SLC30A8: variants seen among roughly 807,000 people sequenced by gnomAD.
SLC30A8 encodes solute carrier family 30 member 8, also known as proton-coupled zinc antiporter SLC30A8.
Under a neutral mutation model 36.9 loss-of-function variants are expected in SLC30A8, and 27 were observed. That is an observed-to-expected ratio of 0.73 (90% confidence interval 0.54 to 1.01). SLC30A8 has a LOEUF of 1.01. Ranked by LOEUF, SLC30A8 falls within the 50% of genes least tolerant of loss-of-function variation. The probability of loss-of-function intolerance (pLI) is 0.00; values close to 1 mark genes in which losing one functional copy is unlikely to be tolerated. For synonymous variants in SLC30A8, 164 were observed against 172.4 expected (o/e 0.95, Z 0.38); for missense variants, 439 against 452.0 (o/e 0.97, Z 0.26).
intron 1 of SLC30A8, among the ~76,000 whole-genome samples, chr8:116,953,232 C>T (rs1814059174): frequency 6.6e-6 from 1 of 152,146 alleles, no homozygotes; most frequent in Admixed American, 6.5e-5. Flanking sequence ...CATAGTATTC[C>T]ATGGTGAATA....
intron 1 of SLC30A8, among the ~76,000 whole-genome samples, chr8:117,024,860 T>C (rs145110772): frequency 8.3e-4 from 126 of 152,318 alleles, no homozygotes; most frequent in African/African-American, 2.8e-3. Flanking sequence ...TTCAGGTTTG[T>C]TACATAAGTA....
intron 1 of SLC30A8, among the ~76,000 whole-genome samples, chr8:116,994,405 T>C (rs1425513580): frequency 6.6e-6 from 1 of 152,076 alleles, no homozygotes; most frequent in Non-Finnish European, 1.5e-5. Flanking sequence ...GTTCAGGCAG[T>C]GTCAAATGGA....
chr8:117,059,804 G>A (rs186758331), intron 2 of SLC30A8, among the ~76,000 whole-genome samples: 3 of 152,314 alleles, frequency 2.0e-5, no homozygotes, highest in African/African-American at 4.8e-5. Context: ...GGGTGGACAC[G>A]AAGATTGGGG....
intron 2 of SLC30A8, among the ~76,000 whole-genome samples, chr8:117,054,522 A>C (rs944824845): frequency 6.6e-6 from 1 of 152,172 alleles, no homozygotes; most frequent in African/African-American, 2.4e-5. Flanking sequence ...TGTCACCATC[A>C]ATGTGCAAAC....
chr8:117,150,600 A>G (rs1244333109), intron 2 of SLC30A8, among the ~76,000 whole-genome samples: 1 of 151,982 alleles, frequency 6.6e-6, no homozygotes, highest in Non-Finnish European at 1.5e-5. Context: ...CACTATCGAG[A>G]CTTTAAAAGA....
At position 117,174,371 on chromosome 8, in the gene SLC30A8, C is replaced by T. The variant is rs1217559828; in HGVS notation, c.*1690C>T. ...TGAGGAGGTCACATCTGTGCCATCT[C>T]TGCAAATCAATCAGCACCACTGAAA... is the stretch of plus-strand genomic sequence containing the variant. On this transcript the variant is annotated 3_prime_UTR_variant, in exon 8 of 8. Transcript: ENST00000456015. The T allele has an allele frequency of 6.6e-6, 1 of 152,534 alleles. No homozygotes were observed. The highest frequency in any genetic ancestry group is 1.5e-5 in the Non-Finnish European group (1 of 68,024). The allele number at this position is 152,534 out of a possible 1,614,324, so 9.4% of individuals were successfully genotyped here.
At chr8:117,083,697 T>C (rs1818754142) in intron 2 of SLC30A8, among the ~76,000 whole-genome samples, 2 of 152,164 alleles carry the variant, frequency 1.3e-5, no homozygotes, top group Non-Finnish European at 2.9e-5. Context: ...ATCATGTAGC[T>C]ATGAGATGGC....
In SLC30A8 at chr8:116,978,399, A is replaced by T. The variant is rs181504160; in HGVS notation, c.-266+27280A>T. ...ATTGAATAGAAATGAAGAAACACAT[A>T]AAACCACTGGCTATGATGCTCTAAC... On this transcript the variant is annotated intron_variant, in intron 1 of 10. Transcript: ENST00000427715. Among the ~76,000 whole-genome samples, 50 of 152,306 alleles carry T rather than the reference A, an allele frequency of 3.3e-4. 1 individual carries two copies. The highest frequency in any genetic ancestry group is 9.6e-4 in the African/African-American group (40 of 41,548).
At chr8:117,154,497 C>A (rs553044063) in intron 3 of SLC30A8, among the ~76,000 whole-genome samples, 1 of 152,164 alleles carries the variant, frequency 6.6e-6, no homozygotes, top group East Asian at 1.9e-4. Flanking sequence ...CTGTGGACTG[C>A]GGCTTTTCAA....
At chr8:117,160,244 TAA>T (rs1461390146) in intron 4 of SLC30A8, among the ~76,000 whole-genome samples, 1 of 152,278 alleles carries the variant, frequency 6.6e-6, no homozygotes, top group Non-Finnish European at 1.5e-5. Context: ...TATTGCCTGC[TAA>T]GTTTTCACTG....
intron 2 of SLC30A8, among the ~76,000 whole-genome samples, chr8:117,068,979 C>T (rs989315710): frequency 1.3e-5 from 2 of 152,130 alleles, no homozygotes; most frequent in Non-Finnish European, 2.9e-5. Flanking sequence ...CTCCAAGATT[C>T]ACCCAAAATT....
Position 117,016,422 on chromosome 8 carries a change from G to A in SLC30A8, c.-265-22797G>A, listed in dbSNP as rs73312283. ...GCAGAAAGAGGAAAATCAAGTTAACGAAACTGAGCAGGAAAAGACAGGGGC... is the reference window on the plus strand; with the variant it reads ...GCAGAAAGAGGAAAATCAAGTTAACAAAACTGAGCAGGAAAAGACAGGGGC... On this transcript the variant is annotated intron_variant, in intron 1 of 10. Coordinates refer to the SLC30A8 transcript ENST00000427715. Among the ~76,000 whole-genome samples, 528 of 152,254 alleles carry A rather than the reference G, an allele frequency of 3.5e-3. 8 individuals carry two copies. Among genetic ancestry groups the A allele is most frequent in the African/African-American group, 0.012 (507 of 41,550 alleles).
chr8:117,041,766 G>A (rs1377954845), intron 2 of SLC30A8, among the ~76,000 whole-genome samples: 1 of 152,180 alleles, frequency 6.6e-6, no homozygotes, highest in Non-Finnish European at 1.5e-5. Context: ...CAAAGGACTT[G>A]ACACATTGAT....
At chr8:117,167,834 A>C (rs1268282783) in intron 6 of SLC30A8, among the ~76,000 whole-genome samples, 1 of 152,122 alleles carries the variant, frequency 6.6e-6, no homozygotes, top group Middle Eastern at 3.2e-3. Flanking sequence ...TACATGCTTT[A>C]TTAGTATGTT....
rs531833878 is a variant in SLC30A8, at chr8:116,988,731, C to T, written c.-266+37612C>T. On this transcript the variant is annotated intron_variant, in intron 1 of 10. Coordinates refer to the SLC30A8 transcript ENST00000427715. The stretch of plus-strand genomic sequence containing the variant: ...CATATTCTTGTTATTTTACTATAAT[C>T]GCCAGCCTCTGGCATATACTTAAAA... 1.4e-4 allele frequency among the ~76,000 whole-genome samples: 21 copies of T among 152,316 alleles called. No homozygotes were observed. The South Asian group carries it at 3.9e-3, about 29-fold the overall frequency.
At position 117,119,184 on chromosome 8, in the gene SLC30A8, C is replaced by T. The variant is rs113558991; in HGVS notation, c.-225-16096C>T. On this transcript the variant is annotated intron_variant, in intron 2 of 10. Coordinates refer to the SLC30A8 transcript ENST00000427715. The stretch of plus-strand genomic sequence containing the variant: ...GAAACTTGAATGTGATGCTGAGATA[C>T]TGTGAGGCTAGCAGTAAACAATCAT... Among the ~76,000 whole-genome samples the T allele has an allele frequency of 3.1e-3, 474 of 151,948 alleles. 1 individual carries two copies. The highest frequency in any genetic ancestry group is 0.011 in the African/African-American group (455 of 41,480).
chr8:117,116,485 A>T (rs1311025775), intron 2 of SLC30A8, among the ~76,000 whole-genome samples: 1 of 152,066 alleles, frequency 6.6e-6, no homozygotes, highest in Non-Finnish European at 1.5e-5. Context: ...CAAGATAGAA[A>T]AAGGCAATTC....
At chr8:117,131,053 C>T (rs898773960), upstream of SLC30A8, among the ~76,000 whole-genome samples, 4 of 151,910 alleles carry the variant, frequency 2.6e-5, no homozygotes, top group Admixed American at 1.3e-4. Flanking sequence ...TTCACCAGAA[C>T]ATTCCTATAG....
chr8:117,045,738 A>AC (rs1489908112), intron 2 of SLC30A8, among the ~76,000 whole-genome samples: 21 of 152,324 alleles, frequency 1.4e-4, no homozygotes, highest in African/African-American at 4.8e-4. Context: ...TGGCCAGTGC[A>AC]GAGCTGTGAG....
Sources: gnomAD v4.1 joint callset for allele counts (sites outside exome capture counted in the v4.1 genomes callset) on GRCh38, gnomAD v4.1.1 for gene constraint, MANE v1.5 for transcripts, NCBI Gene and HGNC (gene_info 2026-07-23, HGNC 2026-07-21) for gene names.